The following CALN1 variants were observed in gnomAD, a reference collection of about 807,000 sequenced individuals.
The protein encoded by CALN1 is calneuron 1, also known as calcium-binding protein 8.
A neutral mutation model predicts 30.6 loss-of-function variants in CALN1; 17 were observed. The observed-to-expected ratio is 0.56, with a 90% CI of 0.38 to 0.83. The LOEUF (loss-of-function observed/expected upper bound fraction) is 0.83, where lower values mean the gene tolerates loss of function less well. CALN1 is among the 40% of genes least tolerant of loss of function. The pLI, the probability that CALN1 is intolerant of heterozygous loss-of-function variation, is 0.00. For missense variants in CALN1, 291 were observed against 354.9 expected (o/e 0.82, Z 1.45); for synonymous variants, 156 against 131.4 (o/e 1.19, Z -1.28).
intron 4 of CALN1, among the ~76,000 whole-genome samples, chr7:72,096,325 T>G (rs844716): frequency 2.0e-5 from 3 of 152,130 alleles, no homozygotes; most frequent in African/African-American, 7.2e-5. Flanking sequence ...CATCAGGTTT[T>G]CAAGGGAAAA....
At chr7:71,858,081 C>A (rs1791056978) in intron 5 of CALN1, among the ~76,000 whole-genome samples, 1 of 152,096 alleles carries the variant, frequency 6.6e-6, no homozygotes, top group Non-Finnish European at 1.5e-5. Flanking sequence ...TTGTAGTTCC[C>A]ATAATCCCCA....
At chr7:72,115,065 T>C (rs533839734) in intron 3 of CALN1, among the ~76,000 whole-genome samples, 88 of 148,832 alleles carry the variant, frequency 5.9e-4, no homozygotes, top group Non-Finnish European at 1.0e-3. Context: ...ACATTATATA[T>C]GGACATTACA....
At chr7:72,092,391 AAAGT>A (rs1427322087) in intron 4 of CALN1, among the ~76,000 whole-genome samples, 4 of 152,080 alleles carry the variant, frequency 2.6e-5, no homozygotes, top group African/African-American at 7.2e-5. Flanking sequence ...AATCACTTAA[AAAGT>A]AAGCTGTTCT....
chr7:71,816,125 T>C (rs1052301809), intron 5 of CALN1, among the ~76,000 whole-genome samples: 4 of 151,934 alleles, frequency 2.6e-5, no homozygotes, highest in African/African-American at 9.7e-5. Context: ...CTGCCTTGCT[T>C]GCTTGTTAAA....
chr7:71,904,981 C>T (rs1223664729), intron 5 of CALN1, among the ~76,000 whole-genome samples: 1 of 152,038 alleles, frequency 6.6e-6, no homozygotes, highest in Non-Finnish European at 1.5e-5. Flanking sequence ...CTTTTTCTCC[C>T]AGGCTGGAGT....
chr7:71,985,396 T>C (rs1186436960), intron 5 of CALN1, among the ~76,000 whole-genome samples: 4 of 151,910 alleles, frequency 2.6e-5, no homozygotes, highest in African/African-American at 7.3e-5. Context: ...GTAATCCCAG[T>C]ACTTTGGGAA....
intron 2 of CALN1, among the ~76,000 whole-genome samples, chr7:72,374,321 G>C (rs767347232): frequency 3.3e-5 from 5 of 152,180 alleles, no homozygotes; most frequent in African/African-American, 9.7e-5. Flanking sequence ...CTGAGGTCAG[G>C]AGCTCAATCC....
intron 5 of CALN1, among the ~76,000 whole-genome samples, chr7:71,889,230 T>C (rs1440372945): frequency 6.6e-6 from 1 of 152,206 alleles, no homozygotes; most frequent in Non-Finnish European, 1.5e-5. Context: ...ATCAGCAGAT[T>C]TGGTGTCTGA....
intron 2 of CALN1, among the ~76,000 whole-genome samples, chr7:72,331,868 C>T (rs1801701501): frequency 7.3e-6 from 1 of 136,226 alleles, no homozygotes; most frequent in East Asian, 2.0e-4. Context: ...CCTCCACCCT[C>T]TAACAGGCCC....
At chr7:71,922,623 A>G (rs1795013440) in intron 5 of CALN1, among the ~76,000 whole-genome samples, 1 of 138,996 alleles carries the variant, frequency 7.2e-6, no homozygotes. Flanking sequence ...AGAATATATT[A>G]TATATAAATA....
Position 71,930,308 on chromosome 7 carries a change from G to A in CALN1, c.501+93349C>T, listed in dbSNP as rs138828855. Among the ~76,000 whole-genome samples the A allele has an allele frequency of 6.4e-3, 976 of 152,246 alleles. 10 individuals are homozygous for A. The highest frequency in any genetic ancestry group is 0.021 in the African/African-American group (891 of 41,548). The stretch of plus-strand genomic sequence containing the variant: ...GTGACTCATTATGGCTTTGATTTGC[G>A]TTTCCTTAAAGACATAATGTCGAAC... On this transcript the variant is annotated intron_variant, in intron 5 of 6. Coordinates refer to ENST00000395275, the MANE Select transcript of CALN1 (RefSeq NM_031468.4).
rs144786606 is a variant in CALN1 at position 71,988,682 on chromosome 7, A to C, written c.501+34975T>G. Among the ~76,000 whole-genome samples, 5 of 152,268 alleles carry C rather than the reference A, an allele frequency of 3.3e-5. No homozygotes were observed. In the East Asian group the frequency reaches 9.7e-4, roughly 29 times the overall value. On this transcript the variant is annotated intron_variant, in intron 5 of 6. Coordinates refer to ENST00000395275, the MANE Select transcript of CALN1 (RefSeq NM_031468.4). ...TATGAGACGCTAAAAGCAGGGCCCTAGCTATGAGAATGAGATCCAGGCACA... is the reference window on the plus strand; with the variant it reads ...TATGAGACGCTAAAAGCAGGGCCCTCGCTATGAGAATGAGATCCAGGCACA...
At chr7:72,388,918 G>A (rs1805404070) in intron 2 of CALN1, among the ~76,000 whole-genome samples, 1 of 152,160 alleles carries the variant, frequency 6.6e-6, no homozygotes, top group Non-Finnish European at 1.5e-5. Context: ...GAGTGTTTGG[G>A]CTTCCTCTCA....
At chr7:71,945,300 CCA>C (rs1190074366) in intron 5 of CALN1, among the ~76,000 whole-genome samples, 1 of 152,150 alleles carries the variant, frequency 6.6e-6, no homozygotes, top group Non-Finnish European at 1.5e-5. Flanking sequence ...TCTAAATGAC[CCA>C]GTTTTGGGTA....
chr7:71,977,428 C>T (rs995417912), intron 5 of CALN1, among the ~76,000 whole-genome samples: 2 of 152,094 alleles, frequency 1.3e-5, no homozygotes, highest in Admixed American at 6.5e-5. Flanking sequence ...CAGCAAGACC[C>T]TGTTTCAAAA....
At chr7:72,448,931 C>T (rs1808603809), upstream of CALN1, among the ~76,000 whole-genome samples, 1 of 151,928 alleles carries the variant, frequency 6.6e-6, no homozygotes, top group East Asian at 1.9e-4. Flanking sequence ...GCCATTTTCC[C>T]CTCATAAGCA....
intron 2 of CALN1, among the ~76,000 whole-genome samples, chr7:72,399,139 G>A (rs114885176): frequency 7.9e-5 from 12 of 152,226 alleles, no homozygotes; most frequent in East Asian, 5.8e-4. Flanking sequence ...AGACAGGAGC[G>A]GACAATCTAG....
chr7:72,288,163 C>T (rs567930842), intron 2 of CALN1, among the ~76,000 whole-genome samples: 6 of 152,026 alleles, frequency 3.9e-5, no homozygotes, highest in African/African-American at 9.7e-5. Context: ...AAGGCCTGAC[C>T]GGGGCTGGAG....
intron 3 of CALN1, among the ~76,000 whole-genome samples, chr7:72,174,598 C>T (rs1425651253): frequency 6.6e-6 from 1 of 152,112 alleles, no homozygotes; most frequent in Non-Finnish European, 1.5e-5. Flanking sequence ...AGATACATAA[C>T]AACACAGATG....
Sources: allele counts gnomAD v4.1 joint callset (sites outside exome capture counted in the v4.1 genomes callset), GRCh38; gene constraint gnomAD v4.1.1; transcripts MANE v1.5; gene names NCBI Gene and HGNC (gene_info 2026-07-23, HGNC 2026-07-21).